ESR1: variants seen among roughly 807,000 people sequenced by gnomAD.
ESR1 encodes estrogen receptor 1, also known as estrogen receptor.
A neutral mutation model predicts 52.7 loss-of-function variants in ESR1; 12 were observed. The ratio of observed to expected loss-of-function variants is 0.23; its 90% confidence interval spans 0.15 to 0.37. ESR1 has a LOEUF of 0.37. Among genes scored for constraint, ESR1 ranks in the 10% least tolerant of loss-of-function variants. ESR1 has a pLI of 1.00. For synonymous variants in ESR1, 305 were observed against 316.8 expected, an observed-to-expected ratio of 0.96 and a Z score of 0.39; for missense variants, 584 against 779.7, an observed-to-expected ratio of 0.75 and a Z score of 2.99.
chr6:151,960,920 G>A (rs566318580), intron 4 of ESR1, among the ~76,000 whole-genome samples: 5 of 152,282 alleles, frequency 3.3e-5, no homozygotes, highest in Non-Finnish European at 7.4e-5. Context: ...CCGATGGGCT[G>A]GGCGTAGTAT....
chr6:151,897,055 A>G (rs1247201900), intron 3 of ESR1, among the ~76,000 whole-genome samples: 1 of 152,114 alleles, frequency 6.6e-6, no homozygotes, highest in African/African-American at 2.4e-5. Context: ...TAGTTGACAT[A>G]GTTTTAATTT....
At chr6:151,929,504 G>C (rs2033265479) in intron 3 of ESR1, among the ~76,000 whole-genome samples, 1 of 152,058 alleles carries the variant, frequency 6.6e-6, no homozygotes, top group Admixed American at 6.6e-5. Context: ...AAAGTATTTT[G>C]CATGCTGGGC....
At chr6:152,032,750 A>T (rs1163369018) in intron 5 of ESR1, among the ~76,000 whole-genome samples, 2 of 152,252 alleles carry the variant, frequency 1.3e-5, no homozygotes, top group Admixed American at 1.3e-4. Flanking sequence ...TATCCCCATC[A>T]AGCTACCAAT....
At position 152,098,373 on chromosome 6, in the gene ESR1, C is replaced by G. The variant is rs1268124816; in HGVS notation, c.1554-359C>G. ...TGTCTTTTTAGAAGCTTTGGCGATC[C>G]TATTTGAATGCATTTAGGTCCTATT... On this transcript the variant is annotated intron_variant, in intron 7 of 7. Coordinates refer to ENST00000206249, the MANE Select transcript of ESR1 (RefSeq NM_000125.4). The surrounding 1 kb of genome is among the most constrained non-coding windows in gnomAD (Gnocchi z 5.1). Among the ~76,000 whole-genome samples the G allele has an allele frequency of 1.3e-5, 2 of 152,000 alleles. No individual in the cohort carries two copies. The highest frequency in any genetic ancestry group is 4.8e-5 in the African/African-American group (2 of 41,392).
intron 6 of ESR1, among the ~76,000 whole-genome samples, chr6:152,072,346 C>T (rs1235465833): frequency 3.3e-5 from 5 of 151,976 alleles, no homozygotes; most frequent in African/African-American, 1.2e-4. Context: ...GGGCTCTTTG[C>T]CACTGATTTT....
intron 3 of ESR1, among the ~76,000 whole-genome samples, chr6:151,924,395 C>G (rs1384358759): frequency 6.6e-6 from 1 of 150,502 alleles, no homozygotes. Context: ...CTTTTTTTGC[C>G]AACTGTATTT....
At chr6:151,879,477 TAGAG>T (rs1792415060) in intron 2 of ESR1, among the ~76,000 whole-genome samples, 1 of 151,914 alleles carries the variant, frequency 6.6e-6, no homozygotes, top group Admixed American at 6.6e-5. Context: ...AGATGGAAGT[TAGAG>T]AGCATGTGGG....
intron 4 of ESR1, among the ~76,000 whole-genome samples, 178 bp downstream of exon 4, chr6:151,944,686 AAAT>A (rs1423247868): frequency 1.3e-5 from 2 of 152,194 alleles, no homozygotes; most frequent in East Asian, 3.9e-4. Context: ...GGAGATTAGG[AAAT>A]AATATTTTTA....
At chr6:152,001,064 T>C (rs1332265829) in intron 4 of ESR1, among the ~76,000 whole-genome samples, 1 of 152,034 alleles carries the variant, frequency 6.6e-6, no homozygotes, top group Non-Finnish European at 1.5e-5. Flanking sequence ...AGAGGCCATG[T>C]TGAACTAGCA....
At chr6:152,000,270 C>T (rs915039284) in intron 4 of ESR1, among the ~76,000 whole-genome samples, 1 of 152,036 alleles carries the variant, frequency 6.6e-6, no homozygotes, top group Non-Finnish European at 1.5e-5. Flanking sequence ...AGAAGGCACT[C>T]TGCTAGGCAC....
chr6:152,085,904 T>G (rs2049672999), intron 6 of ESR1, among the ~76,000 whole-genome samples: 1 of 152,178 alleles, frequency 6.6e-6, no homozygotes, highest in African/African-American at 2.4e-5. Context: ...GGTGTGGTCA[T>G]CCTTGGAAAA....
chr6:151,915,143 C>T (rs572139047), intron 3 of ESR1, among the ~76,000 whole-genome samples: 8 of 151,124 alleles, frequency 5.3e-5, no homozygotes, highest in Admixed American at 1.3e-4. Flanking sequence ...TGCAGTGAGC[C>T]GAGATCATGC....
chr6:151,839,883 C>T (rs867998470), intron 1 of ESR1, among the ~76,000 whole-genome samples: 32 of 152,022 alleles, frequency 2.1e-4, no homozygotes, highest in African/African-American at 6.8e-4. Context: ...ACTGGTTGCA[C>T]GATGATGTGA....
chr6:151,995,036 G>A (rs896265395), intron 4 of ESR1, among the ~76,000 whole-genome samples: 18 of 152,128 alleles, frequency 1.2e-4, no homozygotes, highest in African/African-American at 4.3e-4. Context: ...AAACCCAGCT[G>A]TGGGGTCTTT....
At chr6:151,853,399 C>T (rs1034626784) in intron 2 of ESR1, among the ~76,000 whole-genome samples, 17 of 152,100 alleles carry the variant, frequency 1.1e-4, no homozygotes, top group Admixed American at 8.5e-4. Flanking sequence ...GTGGTTAATG[C>T]GATCCTGTGA....
chr6:151,670,593 A>C (rs1477902052), intron 1 of ESR1, among the ~76,000 whole-genome samples: 1 of 152,034 alleles, frequency 6.6e-6, no homozygotes, highest in East Asian at 1.9e-4. Context: ...CTTAAAAAAA[A>C]ATTTTTTTTT....
In ESR1 at chr6:151,880,821, C is replaced by T. The variant is rs17847077; in HGVS notation, c.760+50C>T. 14 of 923,524 alleles carry T rather than the reference C, an allele frequency of 1.5e-5. No individual in the cohort carries two copies. In the East Asian group the frequency reaches 3.1e-4, roughly 21 times the overall value. The allele number at this position is 923,524 out of a possible 1,614,324, so 57.2% of individuals were successfully genotyped here. On this transcript the variant is annotated intron_variant, in intron 3 of 7. Coordinates refer to ENST00000206249, the MANE Select transcript of ESR1 (RefSeq NM_000125.4). ...CTTGGGGATGGCCCTGGCCACCGCC[C>T]AGTGCTGGCTCTACCCATTGGAATA...
intron 2 of ESR1, among the ~76,000 whole-genome samples, chr6:151,716,696 C>T (rs1028922449): frequency 6.6e-6 from 1 of 152,192 alleles, no homozygotes; most frequent in African/African-American, 2.4e-5. Flanking sequence ...CAAGCTTGAG[C>T]ATCCCAGGTC....
intron 3 of ESR1, among the ~76,000 whole-genome samples, chr6:151,943,852 C>T (rs2035396951): frequency 6.6e-6 from 1 of 152,152 alleles, no homozygotes; most frequent in Admixed American, 6.5e-5. Context: ...TATGGGCTCA[C>T]CAAAGCCTAC....
Sources: gnomAD v4.1 joint callset for allele counts (sites outside exome capture counted in the v4.1 genomes callset) on GRCh38, gnomAD v4.1.1 for gene constraint, Gnocchi (gnomAD v3.1) non-coding constraint, MANE v1.5 for transcripts, NCBI Gene and HGNC (gene_info 2026-07-23, HGNC 2026-07-21) for gene names.